Variants in WNT4 observed in about 807,000 individuals in gnomAD.
The protein encoded by WNT4 is Wnt family member 4, also known as protein Wnt-4.
A neutral mutation model predicts 34.5 loss-of-function variants in WNT4; 16 were observed. That is an observed-to-expected ratio of 0.46 (90% CI 0.31 to 0.70). The LOEUF is 0.70. Ranked by LOEUF, WNT4 falls within the 30% of genes least tolerant of loss-of-function variation. WNT4 has a pLI of 0.04. For synonymous variants in WNT4, 200 were observed against 211.9 expected, an observed-to-expected ratio of 0.94 and a Z score of 0.49; for missense variants, 379 against 495.9, an observed-to-expected ratio of 0.76 and a Z score of 2.24.
At position 22,129,676 on chromosome 1, in the gene WNT4, G is replaced by T. The variant is rs1366865538; in HGVS notation, c.253C>A (p.Arg85=). 1 of 1,613,730 alleles carries T rather than the reference G, an allele frequency of 6.2e-7. No homozygotes were observed. The highest frequency in any genetic ancestry group is 1.3e-5 in the African/African-American group (1 of 74,910). ...TCGAGTGTGGAGCAGTTCCAGCGCC[G>T]GTTCCGGAACTGGTACTGGCACTCC... ...IEECQYQFRN[R]RWNCSTLDSL... is the part of the protein sequence containing the mutation. The change falls in exon 2 of 5, where the codon CGG becomes AGG. Residue 85 remains arginine, a synonymous_variant. Coordinates refer to ENST00000290167, the MANE Select transcript of WNT4 (RefSeq NM_030761.5).
chr1:22,138,404 CCG>C (rs1208077891), intron 1 of WNT4, among the ~76,000 whole-genome samples: 1 of 151,914 alleles, frequency 6.6e-6, no homozygotes, highest in Non-Finnish European at 1.5e-5. Flanking sequence ...ATGATTTTGC[CCG>C]CCCCCCAGGG....
Position 22,138,087 on chromosome 1 carries a change from A to G in WNT4, c.77+4759T>C, listed in dbSNP as rs143384567. The stretch of plus-strand genomic sequence containing the variant: ...CCACAGCCACGGCCTCCAGATGTTT[A>G]TAACCTTGTAGAAGCAGTAAAGAAA... On this transcript the variant is annotated intron_variant, in intron 1 of 4. Coordinates refer to ENST00000290167, the MANE Select transcript of WNT4 (RefSeq NM_030761.5). Among the ~76,000 whole-genome samples the G allele has an allele frequency of 1.7e-4, 26 of 152,388 alleles. No homozygotes were observed. In the East Asian group the frequency reaches 4.8e-3, roughly 28 times the overall value.
chr1:22,128,616 C>T (rs779381762), intron 2 of WNT4, among the ~76,000 whole-genome samples: 2 of 152,246 alleles, frequency 1.3e-5, no homozygotes, highest in Non-Finnish European at 2.9e-5. Context: ...TCCACAGGCT[C>T]CCCTGGCCCA....
In WNT4 at chr1:22,120,363, C is replaced by T. The variant is rs142837113; in HGVS notation, c.743G>A (p.Arg248His). The T allele has an allele frequency of 4.5e-5, 72 of 1,614,080 alleles. No homozygotes were observed. Among genetic ancestry groups the T allele is most frequent in the South Asian group, 5.5e-5 (5 of 91,094 alleles). ...CACCAGTGCCCTGGAGGAGCCCACG[C>T]GGCGTGGCTCCACCTCAGTGGCACC... ...FDGATEVEPRRVGSSRALVPR... is the reference protein window; with the variant it reads ...FDGATEVEPRHVGSSRALVPR... Residue 248 changes from arginine (R) to histidine (H), a missense_variant, in exon 5 of 5, where the codon CGC becomes CAC. Physicochemically the swap from Arg to His is conservative, Grantham distance 29. Coordinates refer to ENST00000290167, the MANE Select transcript of WNT4 (RefSeq NM_030761.5).
chr1:22,121,277 C>T lies in WNT4; in HGVS notation c.522G>A (p.Glu174=), dbSNP rs1246890242. 2 of 1,614,090 alleles carry T rather than the reference C, an allele frequency of 1.2e-6. No individual in the cohort carries two copies. The highest frequency in any genetic ancestry group is 1.7e-5 in the Admixed American group (1 of 60,012). ...TGCTGGACGAGGCCCCCTTGCTTCT[C>T]TCCCGCACATCCACAAACGACTGTG... is the stretch of plus-strand genomic sequence containing the variant. ...AFSQSFVDVR[E]RSKGASSSRA... Residue 174 remains glutamate (E), a synonymous_variant, in exon 4 of 5, where the codon GAG becomes GAA. Transcript: ENST00000290167.
At chr1:22,122,592 C>T (rs980598387) in intron 2 of WNT4, among the ~76,000 whole-genome samples, 1 of 152,158 alleles carries the variant, frequency 6.6e-6, no homozygotes, top group Non-Finnish European at 1.5e-5. Context: ...ACCATGCTCC[C>T]CTCCTGGGCC....
chr1:22,118,833 C>T lies in WNT4; in HGVS notation c.*1217G>A, dbSNP rs919842186. The T allele has an allele frequency of 1.3e-5, 2 of 152,274 alleles. No homozygotes were observed. The highest frequency in any genetic ancestry group is 2.4e-5 in the African/African-American group (1 of 41,444). 9.4% of individuals were successfully genotyped at this position (152,274 alleles called of 1,614,324 possible). A position where few individuals can be genotyped will look rare whatever the true frequency, so the allele number is the denominator to read the frequency against. ...GCTTGGCTGGAGGACTCTTCTGGCC[C>T]TGCCTGTCCATCCAGCTTGCTGTGA... is the stretch of plus-strand genomic sequence containing the variant. On this transcript the variant is annotated 3_prime_UTR_variant, in exon 5 of 5. Transcript: ENST00000290167.
Position 22,142,754 on chromosome 1 carries a change from C to T in WNT4, c.77+92G>A, listed in dbSNP as rs1212429478. On this transcript the variant is annotated intron_variant, in intron 1 of 4. Transcript: ENST00000290167. This position sits in a 1 kb window ranked among gnomAD's most constrained non-coding sequence, Gnocchi z 6.0. The stretch of plus-strand genomic sequence containing the variant: ...GGCCGAGACACCTGCCGGGCTGCCC[C>T]GCGCCCGCTGCCCCGCGCCGCCTGG... 2 of 888,724 alleles carry T rather than the reference C, an allele frequency of 2.3e-6. No individual in the cohort carries two copies. Among genetic ancestry groups the T allele is most frequent in the Non-Finnish European group, 2.7e-6 (2 of 743,222 alleles). 55.1% of individuals were successfully genotyped at this position (888,724 alleles called of 1,614,324 possible).
rs1646050206 is a variant in WNT4, at chr1:22,139,619, C to T, written c.77+3227G>A. 6.6e-6 allele frequency among the ~76,000 whole-genome samples: 1 copy of T among 152,198 alleles called. No homozygotes were observed. The highest frequency in any genetic ancestry group is 6.5e-5 in the Admixed American group (1 of 15,286). ...AGCTTATTTATTCCCTAACCCTCCCCAGCACTTCCATTTGGGGTTCAGAAC... is the reference window on the plus strand; with the variant it reads ...AGCTTATTTATTCCCTAACCCTCCCTAGCACTTCCATTTGGGGTTCAGAAC... On this transcript the variant is annotated intron_variant, in intron 1 of 4. Coordinates refer to ENST00000290167, the MANE Select transcript of WNT4 (RefSeq NM_030761.5). This position sits in a 1 kb window ranked among gnomAD's most constrained non-coding sequence, Gnocchi z 4.6.
intron 1 of WNT4, among the ~76,000 whole-genome samples, chr1:22,133,663 C>G (rs1208788279): frequency 1.3e-5 from 2 of 152,238 alleles, no homozygotes; most frequent in African/African-American, 4.8e-5. Context: ...AATTTGCCAC[C>G]TGCTGCCCTG....
intron 2 of WNT4, chr1:22,127,595 TAGA>T (rs1645950880): frequency 2.5e-6 from 1 of 406,090 alleles, no homozygotes; most frequent in African/African-American, 2.1e-5. Context: ...AAAGGTGTGC[TAGA>T]AGCAGTGTGA....
intron 2 of WNT4, among the ~76,000 whole-genome samples, chr1:22,126,223 T>C (rs1436019251): frequency 6.6e-6 from 1 of 152,186 alleles, no homozygotes; most frequent in East Asian, 1.9e-4. Context: ...CCATCTTGCC[T>C]CCAGGCCAGG....
intron 2 of WNT4, among the ~76,000 whole-genome samples, chr1:22,126,537 G>A (rs547998359): frequency 7.7e-4 from 117 of 152,300 alleles, no homozygotes; most frequent in Non-Finnish European, 1.4e-3. Context: ...TCAGTGTCAC[G>A]AGGATGACCT....
At position 22,142,836 on chromosome 1, in the gene WNT4, C is replaced by T; in HGVS notation, c.77+10G>A. ...CCCGCCCCGCCCCGCTCGGCCCCGG[C>T]CAGACTTACAGCCAGTTGCTCGCGG... On this transcript the variant is annotated intron_variant, in intron 1 of 4. Transcript: ENST00000290167. This position sits in a 1 kb window ranked among gnomAD's most constrained non-coding sequence, Gnocchi z 6.0. 2 of 1,200,038 alleles carry T rather than the reference C, an allele frequency of 1.7e-6. No homozygotes were observed. Among genetic ancestry groups the T allele is most frequent in the Non-Finnish European group, 2.1e-6 (2 of 940,472 alleles). 74.3% of individuals were successfully genotyped at this position (1,200,038 alleles called of 1,614,324 possible).
intron 1 of WNT4, among the ~76,000 whole-genome samples, chr1:22,130,759 C>T (rs1371820614): frequency 2.0e-5 from 3 of 152,182 alleles, no homozygotes; most frequent in Non-Finnish European, 2.9e-5. Flanking sequence ...GATGGCCTGA[C>T]ACTGGCCCGA....
chr1:22,141,879 T>C (rs182755487), intron 1 of WNT4, among the ~76,000 whole-genome samples: 16 of 152,326 alleles, frequency 1.1e-4, no homozygotes, highest in Non-Finnish European at 1.6e-4. Flanking sequence ...CACCCCATGC[T>C]TTTCAGATCA....
intron 1 of WNT4, 144 bp from the exon 2 acceptor site, chr1:22,129,995 T>G: frequency 1.1e-6 from 1 of 933,926 alleles, no homozygotes; most frequent in Non-Finnish European, 1.7e-6. Flanking sequence ...TGGATCCAGT[T>G]ACAGGCCCTC....
At chr1:22,125,359 G>A (rs1028305046) in intron 2 of WNT4, among the ~76,000 whole-genome samples, 6 of 152,132 alleles carry the variant, frequency 3.9e-5, no homozygotes, top group Middle Eastern at 3.2e-3. Flanking sequence ...TTATAGCATC[G>A]AAAGGCTGGG....
At chr1:22,138,016 T>C (rs576024406) in intron 1 of WNT4, among the ~76,000 whole-genome samples, 1 of 152,332 alleles carries the variant, frequency 6.6e-6, no homozygotes, top group East Asian at 1.9e-4. Flanking sequence ...ACCTAGTACC[T>C]GACAGGCACG....
Sources: allele counts gnomAD v4.1 joint callset (sites outside exome capture counted in the v4.1 genomes callset), GRCh38; gene constraint gnomAD v4.1.1; non-coding constraint Gnocchi (gnomAD v3.1); transcripts MANE v1.5; gene names NCBI Gene and HGNC (gene_info 2026-07-23, HGNC 2026-07-21).